The following NELL2 variants were observed in gnomAD, a reference collection of about 807,000 sequenced individuals.
NELL2 encodes the protein neural EGFL like 2.
In NELL2, 41 loss-of-function variants were observed where a neutral mutation model predicts 109.6. That is an observed-to-expected ratio of 0.37 (90% CI 0.29 to 0.49). The LOEUF (loss-of-function observed/expected upper bound fraction) is 0.49, where lower values mean the gene tolerates loss of function less well. NELL2 is among the 20% of genes least tolerant of loss of function. The pLI, the probability that NELL2 is intolerant of heterozygous loss-of-function variation, is 0.98. For missense variants in NELL2, 900 were observed against 1,008.3 expected (o/e 0.89, Z 1.45); for synonymous variants, 355 against 344.7 (o/e 1.03, Z -0.33).
chr12:44,834,846 C>T lies in NELL2; in HGVS notation c.185-18710G>A, dbSNP rs532083401. 1.6e-4 allele frequency among the ~76,000 whole-genome samples: 25 copies of T among 152,290 alleles called. No homozygotes were observed. In the South Asian group the frequency reaches 3.7e-3, roughly 23 times the overall value. ...AACTCTGCTTGGACCCACCTCTCAGCGCCAGGAGAGCAACAGGGCTGGACA... is the reference window on the plus strand; with the variant it reads ...AACTCTGCTTGGACCCACCTCTCAGTGCCAGGAGAGCAACAGGGCTGGACA... On this transcript the variant is annotated intron_variant, in intron 2 of 19. Transcript: ENST00000429094.
At chr12:44,736,777 G>C (rs888946539) in intron 9 of NELL2, among the ~76,000 whole-genome samples, 1 of 152,024 alleles carries the variant, frequency 6.6e-6, no homozygotes, top group Non-Finnish European at 1.5e-5. Flanking sequence ...AAGAATTATA[G>C]AATCAGTAAA....
intron 16 of NELL2, among the ~76,000 whole-genome samples, chr12:44,528,560 A>G (rs554552032): frequency 5.9e-5 from 9 of 152,280 alleles, no homozygotes; most frequent in Admixed American, 3.9e-4. Context: ...ATTTACCTCA[A>G]TCTTTTCATT....
At chr12:44,743,386 G>T (rs1271033126) in intron 9 of NELL2, among the ~76,000 whole-genome samples, 1 of 152,266 alleles carries the variant, frequency 6.6e-6, no homozygotes, top group South Asian at 2.1e-4. Flanking sequence ...GGAAGAAACT[G>T]CATCAACTAA....
At chr12:44,730,689 T>C (rs183661312) in intron 9 of NELL2, among the ~76,000 whole-genome samples, 3 of 151,556 alleles carry the variant, frequency 2.0e-5, no homozygotes, top group Admixed American at 1.3e-4. Flanking sequence ...TAGAAAGATC[T>C]CAAAGAACCT....
At chr12:44,634,361 C>T (rs1363221364) in intron 13 of NELL2, among the ~76,000 whole-genome samples, 1 of 151,158 alleles carries the variant, frequency 6.6e-6, no homozygotes, top group African/African-American at 2.4e-5. Context: ...TGTGACATTC[C>T]TCTCCCTGTG....
chr12:44,876,321 A>C, upstream of NELL2: 1 of 1,174,040 alleles, frequency 8.5e-7, no homozygotes, highest in Admixed American at 4.1e-5. Context: ...ACAATGGAGA[A>C]AGCTCCGGGA....
At chr12:44,821,771 G>A (rs1004124269) in intron 2 of NELL2, among the ~76,000 whole-genome samples, 1 of 151,702 alleles carries the variant, frequency 6.6e-6, no homozygotes, top group Non-Finnish European at 1.5e-5. Context: ...AGGCTGGAGT[G>A]CAGTGATGCA....
At chr12:44,917,427 T>C (rs926986434), upstream of NELL2, among the ~76,000 whole-genome samples, 3 of 152,150 alleles carry the variant, frequency 2.0e-5, no homozygotes, top group Non-Finnish European at 4.4e-5. Flanking sequence ...TAGTAACTAA[T>C]GGAGAGTTGA....
At chr12:44,882,470 G>A (rs1945424444) in intron 1 of NELL2, among the ~76,000 whole-genome samples, 1 of 150,106 alleles carries the variant, frequency 6.7e-6, no homozygotes, top group South Asian at 2.1e-4. Flanking sequence ...ATATACATAT[G>A]TGTATATATA....
rs558668491 is a variant in NELL2 at position 44,558,258 on chromosome 12, A to G, written c.1664-25537T>C. 9.2e-5 allele frequency among the ~76,000 whole-genome samples: 14 copies of G among 152,338 alleles called. No individual in the cohort carries two copies. In the East Asian group the frequency reaches 2.3e-3, roughly 25 times the overall value. ...ATCGATTGAGCTCTAATCCAATTTC[A>G]CTATTTCTAGCTGCATAAAAAATAG... On this transcript the variant is annotated intron_variant, in intron 15 of 19. Transcript: ENST00000429094.
intron 13 of NELL2, among the ~76,000 whole-genome samples, chr12:44,635,952 T>C (rs762628215): frequency 2.0e-5 from 3 of 152,180 alleles, no homozygotes; most frequent in Non-Finnish European, 4.4e-5. Flanking sequence ...TGTCCTCTCT[T>C]GTTTCCTTGA....
intron 12 of NELL2, among the ~76,000 whole-genome samples, chr12:44,695,285 C>A (rs533628890): frequency 7.3e-6 from 1 of 136,880 alleles, no homozygotes; most frequent in African/African-American, 2.9e-5. Context: ...AGCGAGACTC[C>A]GTCTCAAAAA....
intron 1 of NELL2, among the ~76,000 whole-genome samples, chr12:44,921,188 C>T (rs1215055096): frequency 3.9e-5 from 6 of 151,982 alleles, no homozygotes; most frequent in South Asian, 2.1e-4. Context: ...TTCAAATGAA[C>T]GTCTTCTCAT....
chr12:44,764,627 T>A (rs180780715), intron 9 of NELL2, among the ~76,000 whole-genome samples: 2 of 152,310 alleles, frequency 1.3e-5, no homozygotes, highest in East Asian at 3.9e-4. Context: ...AGACAATGTA[T>A]AAGAAACACT....
intron 2 of NELL2, among the ~76,000 whole-genome samples, chr12:44,816,506 C>T (rs1943356463): frequency 6.6e-6 from 1 of 152,128 alleles, no homozygotes; most frequent in East Asian, 1.9e-4. Context: ...GATGTGCTTC[C>T]TAGAATAGGA....
intron 15 of NELL2, among the ~76,000 whole-genome samples, chr12:44,595,547 C>T (rs1241105712): frequency 6.6e-6 from 1 of 151,940 alleles, no homozygotes; most frequent in African/African-American, 2.4e-5. Context: ...CTGCCTCAGC[C>T]TCCTGAGTAG....
intron 11 of NELL2, 144 bp from the exon 12 acceptor site, chr12:44,703,998 T>C (rs1937709039): frequency 6.0e-6 from 4 of 662,092 alleles, no homozygotes; most frequent in African/African-American, 1.8e-5. Context: ...TACAGAAGAA[T>C]CACATGCTAT....
At position 44,774,496 on chromosome 12, in the gene NELL2, C is replaced by A. The variant is rs934614615; in HGVS notation, c.994+251G>T. 4.6e-5 allele frequency: 18 copies of A among 388,704 alleles called. No homozygotes were observed. In the Admixed American group the frequency reaches 7.5e-4, roughly 16 times the overall value. The allele number at this position is 388,704 out of a possible 1,614,324, so 24.1% of individuals were successfully genotyped here. On this transcript the variant is annotated intron_variant, in intron 9 of 19. Coordinates refer to ENST00000429094, the MANE Select transcript of NELL2 (RefSeq NM_001145108.2). ...GAAATAACTTCCAGTAAGTTTCTTA[C>A]ACATGTTTCCTACTACTATCACTAT...
chr12:44,521,749 T>G (rs1941551558), intron 18 of NELL2, among the ~76,000 whole-genome samples: 1 of 151,996 alleles, frequency 6.6e-6, no homozygotes, highest in Non-Finnish European at 1.5e-5. Flanking sequence ...GCTATGGAGA[T>G]ACTCCTGAAA....
Sources: allele counts gnomAD v4.1 joint callset (sites outside exome capture counted in the v4.1 genomes callset), GRCh38; gene constraint gnomAD v4.1.1; transcripts MANE v1.5; gene names NCBI Gene and HGNC (gene_info 2026-07-23, HGNC 2026-07-21).